The following CACNB2 variants were observed in gnomAD, a reference collection of about 807,000 sequenced individuals.
CACNB2 encodes the protein calcium voltage-gated channel auxiliary subunit beta 2.
Under a neutral mutation model 73.3 loss-of-function variants are expected in CACNB2, and 42 were observed. That is an observed-to-expected ratio of 0.57 (90% confidence interval 0.45 to 0.74). The LOEUF is 0.74. Ranked by LOEUF, CACNB2 falls within the 30% of genes least tolerant of loss-of-function variation. The probability of loss-of-function intolerance (pLI) is 0.00; values close to 1 mark genes in which losing one functional copy is unlikely to be tolerated. For missense variants in CACNB2, 940 were observed against 853.0 expected (o/e 1.10, Z -1.27); for synonymous variants, 348 against 310.3 (o/e 1.12, Z -1.28).
intron 1 of CACNB2, among the ~76,000 whole-genome samples, chr10:18,145,521 G>T (rs1212070944): frequency 6.6e-6 from 1 of 151,866 alleles, no homozygotes; most frequent in Non-Finnish European, 1.5e-5. Context: ...AGGTTTTGTT[G>T]TTCTTACAAT....
At chr10:18,268,055 T>C (rs974905863) in intron 2 of CACNB2, among the ~76,000 whole-genome samples, 2 of 152,250 alleles carry the variant, frequency 1.3e-5, no homozygotes, top group African/African-American at 4.8e-5. Context: ...ACTGTTTCAA[T>C]TGTGATTATT....
At chr10:18,502,336 T>C (rs2050238484) in intron 5 of CACNB2, among the ~76,000 whole-genome samples, 2 of 150,908 alleles carry the variant, frequency 1.3e-5, no homozygotes, top group African/African-American at 4.9e-5. Context: ...TCATGTCTTT[T>C]GCAGCAACAT....
chr10:18,254,415 T>G (rs2037200570), intron 2 of CACNB2, among the ~76,000 whole-genome samples: 1 of 152,180 alleles, frequency 6.6e-6, no homozygotes, highest in South Asian at 2.1e-4. Context: ...AAAGTATGAC[T>G]TTTTCCCTAA....
chr10:18,162,374 C>G (rs1030476833), intron 2 of CACNB2, among the ~76,000 whole-genome samples: 10 of 151,936 alleles, frequency 6.6e-5, no homozygotes, highest in Admixed American at 1.3e-4. Flanking sequence ...GGAATTATTA[C>G]TTGTCAGGAA....
At chr10:18,141,368 G>A (rs981882982) in intron 1 of CACNB2, among the ~76,000 whole-genome samples, 5 of 152,182 alleles carry the variant, frequency 3.3e-5, no homozygotes, top group Admixed American at 2.0e-4. Context: ...GTGCCCTGCC[G>A]GATCCCCCCA....
intron 2 of CACNB2, among the ~76,000 whole-genome samples, chr10:18,289,768 T>G (rs2038982474): frequency 1.3e-5 from 2 of 152,166 alleles, no homozygotes; most frequent in African/African-American, 4.8e-5. Flanking sequence ...CGTTTAGCTG[T>G]GTGGCCCCCT....
chr10:18,409,050 C>T (rs2044462683), intron 3 of CACNB2, among the ~76,000 whole-genome samples: 2 of 152,056 alleles, frequency 1.3e-5, no homozygotes, highest in African/African-American at 4.8e-5. Flanking sequence ...GTAATCTCAG[C>T]ACTTTGGGAG....
At chr10:18,348,513 G>C (rs1340507940) in intron 2 of CACNB2, among the ~76,000 whole-genome samples, 2 of 152,062 alleles carry the variant, frequency 1.3e-5, no homozygotes, top group Admixed American at 6.6e-5. Flanking sequence ...GGATGGATAG[G>C]TGGATAGATA....
chr10:18,406,516 G>A lies in CACNB2; in HGVS notation c.333+4473G>A, dbSNP rs116018477. ...CATAGGAGTGCAAACCCTTTTGTGA[G>A]CTATGCATGTGAGCGATCGAGGTTG... On this transcript the variant is annotated intron_variant, in intron 3 of 13. Coordinates refer to ENST00000324631, the MANE Select transcript of CACNB2 (RefSeq NM_201596.3). 9.5e-3 allele frequency among the ~76,000 whole-genome samples: 1,443 copies of A among 152,254 alleles called. 17 individuals are homozygous for A. Among genetic ancestry groups the A allele is most frequent in the African/African-American group, 0.033 (1,372 of 41,530 alleles).
Position 18,352,554 on chromosome 10 carries a change from C to G in CACNB2, c.214-49370C>G, listed in dbSNP as rs552163520. On this transcript the variant is annotated intron_variant, in intron 2 of 13. Transcript: ENST00000324631. The stretch of plus-strand genomic sequence containing the variant: ...ATTCCAGGAGTTCCATTTTTAAGCA[C>G]TCTTGTTTACTTAGTTTTGCTACCC... 2.0e-5 allele frequency among the ~76,000 whole-genome samples: 3 copies of G among 152,306 alleles called. No individual in the cohort carries two copies. In the East Asian group the frequency reaches 5.8e-4, roughly 29 times the overall value.
intron 3 of CACNB2, 33 bp from the exon 4 acceptor site, chr10:18,498,321 CT>C: frequency 6.2e-7 from 1 of 1,613,562 alleles, no homozygotes; most frequent in Non-Finnish European, 8.5e-7. Context: ...TTGTTTTGCT[CT>C]TATTTTTTTC....
intron 3 of CACNB2, among the ~76,000 whole-genome samples, chr10:18,406,865 G>T (rs2044316281): frequency 6.6e-6 from 1 of 152,200 alleles, no homozygotes; most frequent in African/African-American, 2.4e-5. Flanking sequence ...TACAAAGAGG[G>T]AAGTAAAGAA....
chr10:18,258,520 G>A (rs546623416), intron 2 of CACNB2, among the ~76,000 whole-genome samples: 2 of 152,138 alleles, frequency 1.3e-5, no homozygotes, highest in Non-Finnish European at 2.9e-5. Context: ...GAGGACTGGA[G>A]TTTAAGACCA....
chr10:18,446,305 G>A (rs895530466), intron 3 of CACNB2, among the ~76,000 whole-genome samples: 4 of 152,184 alleles, frequency 2.6e-5, no homozygotes, highest in African/African-American at 9.7e-5. Flanking sequence ...TTGAGTGAAG[G>A]TTTTGAACCA....
chr10:18,164,297 T>G (rs2032687567), intron 2 of CACNB2, among the ~76,000 whole-genome samples: 2 of 152,170 alleles, frequency 1.3e-5, no homozygotes, highest in Admixed American at 1.3e-4. Context: ...AATAGACGTT[T>G]TCCCTTGCGC....
At chr10:18,462,374 C>A (rs1319626415) in intron 3 of CACNB2, among the ~76,000 whole-genome samples, 2 of 152,158 alleles carry the variant, frequency 1.3e-5, no homozygotes, top group Non-Finnish European at 2.9e-5. Context: ...CCCACCTAGT[C>A]TTCCAAGTAG....
intron 3 of CACNB2, among the ~76,000 whole-genome samples, chr10:18,452,285 C>T (rs1253167707): frequency 1.3e-5 from 2 of 151,898 alleles, no homozygotes; most frequent in African/African-American, 4.8e-5. Flanking sequence ...TTGAATGGGC[C>T]CACGTGGTGG....
intron 3 of CACNB2, among the ~76,000 whole-genome samples, chr10:18,481,016 C>T (rs551132618): frequency 2.0e-5 from 3 of 151,356 alleles, no homozygotes; most frequent in Admixed American, 1.3e-4. Context: ...ATCTGTTCCA[C>T]CCCTCTCTGT....
intron 3 of CACNB2, among the ~76,000 whole-genome samples, chr10:18,437,645 G>A (rs2046204399): frequency 6.6e-6 from 1 of 152,148 alleles, no homozygotes; most frequent in South Asian, 2.1e-4. Context: ...TTAGTTGTCT[G>A]TATTCTGAGG....
Sources: allele counts gnomAD v4.1 joint callset (sites outside exome capture counted in the v4.1 genomes callset), GRCh38; gene constraint gnomAD v4.1.1; transcripts MANE v1.5; gene names NCBI Gene and HGNC (gene_info 2026-07-23, HGNC 2026-07-21).